Variants in ELMO2 observed in about 807,000 individuals in gnomAD.
The protein encoded by ELMO2 is engulfment and cell motility 2, also known as engulfment and cell motility protein 2.
A neutral mutation model predicts 96.2 loss-of-function variants in ELMO2; 37 were observed. The ratio of observed to expected loss-of-function variants is 0.38; its 90% CI spans 0.30 to 0.51. ELMO2 has a LOEUF of 0.51. ELMO2 is among the 20% of genes least tolerant of loss of function. ELMO2 has a pLI of 0.88. For synonymous variants in ELMO2, 315 were observed against 329.4 expected (o/e 0.96, Z 0.47); for missense variants, 561 against 912.6 (o/e 0.61, Z 4.96).
chr20:46,370,328 A>T (rs1373675134), intron 20 of ELMO2, 115 bp downstream of exon 20: 1 of 964,586 alleles, frequency 1.0e-6, no homozygotes, highest in Non-Finnish European at 1.7e-6. Flanking sequence ...ATTCTTAATA[A>T]AACATTCAGG....
intron 10 of ELMO2, among the ~76,000 whole-genome samples, chr20:46,380,961 A>G (rs1402972875): frequency 3.9e-5 from 6 of 152,192 alleles, no homozygotes; most frequent in Admixed American, 1.3e-4. Context: ...TCCTACATAA[A>G]TGAATCTTCC....
chr20:46,387,178 T>C (rs1470922309), intron 8 of ELMO2, among the ~76,000 whole-genome samples, 160 bp downstream of exon 8: 1 of 152,064 alleles, frequency 6.6e-6, no homozygotes, highest in Non-Finnish European at 1.5e-5. Context: ...ATGCAAATCT[T>C]TCAGAAGCCA....
chr20:46,401,453 G>A (rs1311417680), intron 1 of ELMO2, among the ~76,000 whole-genome samples: 1 of 152,202 alleles, frequency 6.6e-6, no homozygotes, highest in African/African-American at 2.4e-5. Context: ...AAGGTGTGGT[G>A]AGAAGGGGTG....
chr20:46,403,522 G>GA, intron 1 of ELMO2, among the ~76,000 whole-genome samples: 1 of 152,294 alleles, frequency 6.6e-6, no homozygotes, highest in South Asian at 2.1e-4. Context: ...TTGCCTAGAG[G>GA]AGTTTAAATC....
At chr20:46,402,299 A>G (rs1941814400) in intron 1 of ELMO2, among the ~76,000 whole-genome samples, 1 of 152,230 alleles carries the variant, frequency 6.6e-6, no homozygotes, top group South Asian at 2.1e-4. Context: ...TGTCCACAGA[A>G]TTCCACAGGA....
rs1211816065 is a variant in ELMO2 at position 46,389,228 on chromosome 20, G to A, written c.244-8C>T. ...CTGGCGTGCAGCCCGGGACTAGGAG[G>A]CCAGGGACAAGATATGTGCCATCTG... On this transcript the variant is annotated splice_region_variant and splice_polypyrimidine_tract_variant and intron_variant, in intron 6 of 21. Transcript: ENST00000290246. 1.9e-6 allele frequency: 3 copies of A among 1,612,500 alleles called. No homozygotes were observed. Among genetic ancestry groups the A allele is most frequent in the Non-Finnish European group, 2.5e-6 (3 of 1,179,206 alleles).
In ELMO2 at chr20:46,375,153, T is replaced by C. The variant is rs2059831747; in HGVS notation, c.1065+83A>G. The C allele has an allele frequency of 3.3e-6, 5 of 1,527,414 alleles. No homozygotes were observed. The highest frequency in any genetic ancestry group is 2.8e-5 in the African/African-American group (2 of 72,722). The allele number at this position is 1,527,414 out of a possible 1,614,324, so 94.6% of individuals were successfully genotyped here. ...TATTCCAGGGCCACCATGGGGTTGGTTGTCAGAGCTCTGTCTGGGTGGGAC... is the reference window on the plus strand; with the variant it reads ...TATTCCAGGGCCACCATGGGGTTGGCTGTCAGAGCTCTGTCTGGGTGGGAC... On this transcript the variant is annotated intron_variant, in intron 13 of 21. Coordinates refer to ENST00000290246, the MANE Select transcript of ELMO2 (RefSeq NM_133171.5). This position sits in a 1 kb window ranked among gnomAD's most constrained non-coding sequence, Gnocchi z 4.6.
chr20:46,372,073 G>A, intron 16 of ELMO2, 104 bp from the exon 17 acceptor site: 1 of 1,452,500 alleles, frequency 6.9e-7, no homozygotes, highest in Non-Finnish European at 9.4e-7. Flanking sequence ...TCTTGAGCAG[G>A]GCAGGCACTA....
chr20:46,394,537 G>T lies in ELMO2; in HGVS notation c.-50-5C>A. 1.3e-6 allele frequency: 2 copies of T among 1,574,796 alleles called. No individual in the cohort carries two copies. The highest frequency in any genetic ancestry group is 1.1e-5 in the South Asian group (1 of 90,226). On this transcript the variant is annotated splice_polypyrimidine_tract_variant and splice_region_variant and intron_variant, in intron 2 of 21. Coordinates refer to ENST00000290246, the MANE Select transcript of ELMO2 (RefSeq NM_133171.5). ...CAAAAACACAGACACGGCTGCCTGGGGAGAAAGAATCAGAAAGGTGGAAAA... is the reference window on the plus strand; with the variant it reads ...CAAAAACACAGACACGGCTGCCTGGTGAGAAAGAATCAGAAAGGTGGAAAA...
chr20:46,373,489 G>C lies in ELMO2; in HGVS notation c.1326C>G (p.Asp442Glu), dbSNP rs1159266919. The change falls in exon 16 of 22, where the codon GAC becomes GAG. Residue 442 changes from aspartate (D) to glutamate (E), a missense_variant. Transcript: ENST00000290246. ...TTCCAAAGAGCTCTTCAAAGGCTCG[G>C]TCATGGGTAAAGAACATCGGGTGGT... is the stretch of plus-strand genomic sequence containing the variant. ...NDYHPMFFTH[D>E]RAFEELFGIC... 1 of 1,614,200 alleles carries C rather than the reference G, an allele frequency of 6.2e-7. No individual in the cohort carries two copies. The highest frequency in any genetic ancestry group is 1.7e-5 in the Admixed American group (1 of 60,028).
In ELMO2 at chr20:46,368,702, C is replaced by T. The variant is rs370949633; in HGVS notation, c.1962+189G>A. The stretch of plus-strand genomic sequence containing the variant: ...CTGCTGCTTCATCTGGGTGCCCCCC[C>T]AACCACAGCTCCTCCTTTGAGACAT... On this transcript the variant is annotated intron_variant, in intron 21 of 21. Coordinates refer to ENST00000290246, the MANE Select transcript of ELMO2 (RefSeq NM_133171.5). Among the ~76,000 whole-genome samples the T allele has an allele frequency of 2.0e-5, 3 of 148,792 alleles. 1 individual carries two copies. Among genetic ancestry groups the T allele is most frequent in the South Asian group, 4.3e-4 (2 of 4,666 alleles).
Position 46,373,391 on chromosome 20 carries a change from AC to A in ELMO2, c.1416+7del, listed in dbSNP as rs760844975. The A allele has an allele frequency of 3.1e-6, 5 of 1,614,154 alleles. No homozygotes were observed. In the African/African-American group the frequency reaches 6.7e-5, roughly 22 times the overall value. The stretch of plus-strand genomic sequence containing the variant: ...CCGTGGGCCTCAGAGCAGCCCGGAG[AC>A]ACTGACCTTGTTGAAGTCCTCTGCT... On this transcript the variant is annotated splice_region_variant and intron_variant, in intron 16 of 21. Transcript: ENST00000290246.
chr20:46,396,156 G>A (rs1600883863), intron 2 of ELMO2, among the ~76,000 whole-genome samples: 2 of 152,148 alleles, frequency 1.3e-5, no homozygotes, highest in South Asian at 2.1e-4. Context: ...CTAGACACAC[G>A]ACAAACCTCA....
chr20:46,394,184 C>T, intron 3 of ELMO2, 95 bp from the exon 4 acceptor site: 3 of 1,258,698 alleles, frequency 2.4e-6, no homozygotes, highest in Non-Finnish European at 3.5e-6. Flanking sequence ...CAAGCTGGGG[C>T]ATGAGAATGA....
At position 46,368,973 on chromosome 20, in the gene ELMO2, A is replaced by G. The variant is rs778450112; in HGVS notation, c.1885-5T>C. ...GAAGGCCAATTCCAACACCTCCTGA[A>G]GGAGAAAGGGTTTAAATTAGAGCGA... On this transcript the variant is annotated splice_region_variant and splice_polypyrimidine_tract_variant and intron_variant, in intron 20 of 21. Coordinates refer to ENST00000290246, the MANE Select transcript of ELMO2 (RefSeq NM_133171.5). The G allele has an allele frequency of 6.2e-7, 1 of 1,614,138 alleles. No homozygotes were observed. Among genetic ancestry groups the G allele is most frequent in the Admixed American group, 1.7e-5 (1 of 60,030 alleles).
chr20:46,388,287 G>A (rs1299360487), intron 7 of ELMO2, among the ~76,000 whole-genome samples: 1 of 152,206 alleles, frequency 6.6e-6, no homozygotes, highest in African/African-American at 2.4e-5. Context: ...CTTCAATACA[G>A]CTGGAAGATC....
At chr20:46,386,980 T>A (rs528582461) in intron 8 of ELMO2, among the ~76,000 whole-genome samples, 1 of 152,236 alleles carries the variant, frequency 6.6e-6, no homozygotes, top group East Asian at 1.9e-4. Flanking sequence ...ACAAATGAAA[T>A]GCAAATTTTT....
At chr20:46,390,162 A>G (rs2060126894) in intron 6 of ELMO2, among the ~76,000 whole-genome samples, 1 of 152,116 alleles carries the variant, frequency 6.6e-6, no homozygotes, top group Non-Finnish European at 1.5e-5. Flanking sequence ...CAAAAAAAAT[A>G]AAATAAAATA....
At chr20:46,398,464 C>A (rs1044893314) in intron 2 of ELMO2, among the ~76,000 whole-genome samples, 1 of 152,110 alleles carries the variant, frequency 6.6e-6, no homozygotes, top group Non-Finnish European at 1.5e-5. Flanking sequence ...AGATACTCAC[C>A]ACCACGCCCA....
Sources: gnomAD v4.1 joint callset for allele counts (sites outside exome capture counted in the v4.1 genomes callset) on GRCh38, gnomAD v4.1.1 for gene constraint, Gnocchi (gnomAD v3.1) non-coding constraint, MANE v1.5 for transcripts, NCBI Gene and HGNC (gene_info 2026-07-23, HGNC 2026-07-21) for gene names.